Variants in NRIP3 observed in about 807,000 individuals in gnomAD.
The protein encoded by NRIP3 is nuclear receptor interacting protein 3.
NRIP3 carries 31 observed loss-of-function variants against 29.0 expected under a neutral mutation model. The observed-to-expected ratio is 1.07, with a 90% CI of 0.80 to 1.44. NRIP3 has a LOEUF of 1.44. Among genes scored for constraint, NRIP3 ranks in the 40% most tolerant of loss-of-function variants. NRIP3 has a pLI of 0.00. For synonymous variants in NRIP3, 131 were observed against 118.3 expected, an observed-to-expected ratio of 1.11 and a Z score of -0.70; for missense variants, 314 against 297.9, an observed-to-expected ratio of 1.05 and a Z score of -0.40.
upstream of NRIP3, chr11:9,004,210 G>A (rs1854873509): frequency 3.3e-6 from 1 of 304,976 alleles, no homozygotes; most frequent in African/African-American, 2.2e-5. Context: ...CCGGCAGTCC[G>A]AGAATCCACC....
At chr11:8,991,583 GA>G (rs927822212) in intron 1 of NRIP3, among the ~76,000 whole-genome samples, 1 of 151,716 alleles carries the variant, frequency 6.6e-6, no homozygotes. Context: ...CAATAAAGAA[GA>G]AAAAAAAGAT....
At chr11:8,997,154 A>G (rs183820247) in intron 1 of NRIP3, among the ~76,000 whole-genome samples, 1 of 152,166 alleles carries the variant, frequency 6.6e-6, no homozygotes, top group Non-Finnish European at 1.5e-5. Context: ...AGGCAGGTGG[A>G]GCACGAAGTC....
At chr11:9,002,150 G>T (rs541166896) in intron 1 of NRIP3, among the ~76,000 whole-genome samples, 1 of 152,184 alleles carries the variant, frequency 6.6e-6, no homozygotes, top group African/African-American at 2.4e-5. Context: ...CGACAACGAG[G>T]GACAACCAAA....
intron 1 of NRIP3, among the ~76,000 whole-genome samples, chr11:8,989,315 A>G (rs1315166532): frequency 6.6e-6 from 1 of 152,204 alleles, no homozygotes; most frequent in Admixed American, 6.5e-5. Flanking sequence ...ATACCATTTA[A>G]AATCCCTCAA....
chr11:8,993,077 G>A (rs1854637034), intron 1 of NRIP3, among the ~76,000 whole-genome samples: 1 of 152,156 alleles, frequency 6.6e-6, no homozygotes, highest in African/African-American at 2.4e-5. Context: ...TGAGATCTAA[G>A]AATGAAAGAA....
intron 1 of NRIP3, among the ~76,000 whole-genome samples, chr11:8,994,810 C>A (rs1049168975): frequency 3.9e-5 from 6 of 152,166 alleles, no homozygotes; most frequent in African/African-American, 7.2e-5. Context: ...TGTTCCTCAT[C>A]GCTCTATCTT....
Position 8,982,844 on chromosome 11 carries a change from T to C in NRIP3, c.*701A>G. The C allele has an allele frequency of 2.8e-6, 1 of 351,666 alleles. No individual in the cohort carries two copies. The highest frequency in any genetic ancestry group is 2.3e-5 in the South Asian group (1 of 43,902). 21.8% of individuals were successfully genotyped at this position (351,666 alleles called of 1,614,324 possible). A position where few individuals can be genotyped will look rare whatever the true frequency, so the allele number is the denominator to read the frequency against. On this transcript the variant is annotated 3_prime_UTR_variant, in exon 7 of 7. Coordinates refer to ENST00000309166, the MANE Select transcript of NRIP3 (RefSeq NM_020645.3). ...CATGCTCTGCCTTTTTTTTTTTTTT[T>C]TTAACACATTCTCACCTCTTTGCCC...
chr11:8,994,361 G>T (rs1016038100), intron 1 of NRIP3, among the ~76,000 whole-genome samples: 3 of 152,218 alleles, frequency 2.0e-5, no homozygotes, highest in African/African-American at 2.4e-5. Context: ...CATTGGGAGA[G>T]AATTTAGCTT....
chr11:8,998,378 A>G (rs1854744117), intron 1 of NRIP3, among the ~76,000 whole-genome samples: 1 of 152,226 alleles, frequency 6.6e-6, no homozygotes, highest in Non-Finnish European at 1.5e-5. Context: ...TTTGTGGATT[A>G]GTCTGAGATA....
In NRIP3 at chr11:8,982,194, A is replaced by G. The variant is rs1249595172; in HGVS notation, c.*1351T>C. On this transcript the variant is annotated 3_prime_UTR_variant, in exon 7 of 7. Transcript: ENST00000309166. The stretch of plus-strand genomic sequence containing the variant: ...ACCTGTGTGCCTAATGTGACACCCC[A>G]GTCAAAAAGCTTCAAGAAACCTTGT... The G allele has an allele frequency of 6.6e-6, 1 of 152,238 alleles. No homozygotes were observed. Among genetic ancestry groups the G allele is most frequent in the East Asian group, 1.9e-4 (1 of 5,198 alleles). 9.4% of individuals were successfully genotyped at this position (152,238 alleles called of 1,614,324 possible).
chr11:8,991,424 CAG>C (rs1312030292), intron 1 of NRIP3, among the ~76,000 whole-genome samples: 2 of 152,204 alleles, frequency 1.3e-5, no homozygotes, highest in Non-Finnish European at 2.9e-5. Flanking sequence ...ATATGAACCT[CAG>C]AGATGTTTTT....
rs370257003 is a variant in NRIP3, at chr11:9,003,874, G to A, written c.62C>T (p.Ala21Val). 3.9e-6 allele frequency: 6 copies of A among 1,521,688 alleles called. No homozygotes were observed. The highest frequency in any genetic ancestry group is 4.2e-5 in the Admixed American group (2 of 47,954). 94.3% of individuals were successfully genotyped at this position (1,521,688 alleles called of 1,614,324 possible). A position where few individuals can be genotyped will look rare whatever the true frequency, so the allele number is the denominator to read the frequency against. Reference sequence around the variant, plus strand: ...CATCCGGCGCTGCTGTCGCAGTGACGCCGCCTCCCGCATGTCGGTCTCCTT... The same window carrying A: ...CATCCGGCGCTGCTGTCGCAGTGACACCGCCTCCCGCATGTCGGTCTCCTT... ...GRKETDMREA[A>V]SLRQQRRMKQ... Residue 21 changes from alanine to valine, a missense_variant, in exon 1 of 7, where the codon GCG (alanine) becomes GTG (valine). Transcript: ENST00000309166.
intron 4 of NRIP3, among the ~76,000 whole-genome samples, chr11:8,984,884 T>G (rs149546065): frequency 0.021 from 3,252 of 152,224 alleles, 46 homozygotes; most frequent in Non-Finnish European, 0.034. Flanking sequence ...GGAGTTTCGC[T>G]CTTGTTGCCC....
intron 1 of NRIP3, among the ~76,000 whole-genome samples, chr11:8,995,327 C>T (rs1202732603): frequency 6.6e-6 from 1 of 152,194 alleles, no homozygotes; most frequent in Non-Finnish European, 1.5e-5. Flanking sequence ...AATCACTAAC[C>T]TCTATGAGCA....
At chr11:8,984,697 A>C (rs1478296997) in intron 4 of NRIP3, among the ~76,000 whole-genome samples, 1 of 152,244 alleles carries the variant, frequency 6.6e-6, no homozygotes, top group African/African-American at 2.4e-5. Context: ...GGAGTAGTCA[A>C]GAGTAAAATG....
chr11:8,988,632 G>A (rs1854553798), intron 1 of NRIP3, among the ~76,000 whole-genome samples: 1 of 152,232 alleles, frequency 6.6e-6, no homozygotes, highest in Non-Finnish European at 1.5e-5. Context: ...CAAGGGAAAA[G>A]TGGTCTTAGT....
At chr11:8,995,868 A>G (rs1206879044) in intron 1 of NRIP3, among the ~76,000 whole-genome samples, 12 of 151,838 alleles carry the variant, frequency 7.9e-5, no homozygotes, top group Admixed American at 5.2e-4. Context: ...CACCATCCAC[A>G]CTCACTTCCT....
chr11:8,983,580 T>C lies in NRIP3; in HGVS notation c.711-20A>G, dbSNP rs1379551516. On this transcript the variant is annotated intron_variant, in intron 6 of 6. Coordinates refer to ENST00000309166, the MANE Select transcript of NRIP3 (RefSeq NM_020645.3). ...GAAGTGCTGAAATGAGAAATAAATA[T>C]CAGGAGAAATAATGCCAAATTCAAA... 2 of 1,612,048 alleles carry C rather than the reference T, an allele frequency of 1.2e-6. No individual in the cohort carries two copies. The highest frequency in any genetic ancestry group is 2.2e-5 in the East Asian group (1 of 44,852).
intron 1 of NRIP3, among the ~76,000 whole-genome samples, chr11:8,994,719 C>G (rs1426540512): frequency 2.6e-5 from 4 of 152,226 alleles, no homozygotes; most frequent in Non-Finnish European, 5.9e-5. Context: ...CGCTCCTCCA[C>G]TGGCCTCTAA....
Sources: allele counts gnomAD v4.1 joint callset (sites outside exome capture counted in the v4.1 genomes callset), GRCh38; gene constraint gnomAD v4.1.1; transcripts MANE v1.5; gene names NCBI Gene and HGNC (gene_info 2026-07-23, HGNC 2026-07-21).